Variants in EXPH5 observed in about 807,000 individuals in gnomAD.
EXPH5 encodes exophilin 5.
EXPH5 carries 42 observed loss-of-function variants against 41.1 expected under a neutral mutation model. The observed-to-expected ratio is 1.02, with a 90% CI of 0.80 to 1.32. EXPH5 has a LOEUF of 1.32. Ranked by LOEUF, EXPH5 falls within the 40% of genes most tolerant of loss-of-function variation. EXPH5 has a pLI of 0.00. For synonymous variants in EXPH5, 798 were observed against 833.5 expected (o/e 0.96, Z 0.73); for missense variants, 2,298 against 2,314.5 (o/e 0.99, Z 0.15).
At chr11:108,564,903 C>CTTTTT (rs34384478) in intron 1 of EXPH5, among the ~76,000 whole-genome samples, 4 of 118,424 alleles carry the variant, frequency 3.4e-5, no homozygotes, top group Non-Finnish European at 3.3e-5. Flanking sequence ...ATATGTGTAG[C>CTTTTT]TTTTTTTTTT....
chr11:108,527,066 T>C (rs1289362017), intron 4 of EXPH5, among the ~76,000 whole-genome samples: 1 of 152,186 alleles, frequency 6.6e-6, no homozygotes, highest in East Asian at 1.9e-4. Flanking sequence ...ACGCCTGTAA[T>C]CCCAGCACTT....
intron 1 of EXPH5, among the ~76,000 whole-genome samples, chr11:108,575,011 AC>A (rs1565831669): frequency 6.6e-6 from 1 of 152,156 alleles, no homozygotes; most frequent in African/African-American, 2.4e-5. Flanking sequence ...AGAAAAATGT[AC>A]CCCCGATTTG....
chr11:108,587,558 C>T (rs1005142637), intron 1 of EXPH5, among the ~76,000 whole-genome samples: 1 of 152,234 alleles, frequency 6.6e-6, no homozygotes, highest in Admixed American at 6.5e-5. Flanking sequence ...CCTGTGCACA[C>T]ATTAACATTG....
chr11:108,519,240 T>C (rs1246176124), intron 4 of EXPH5, among the ~76,000 whole-genome samples: 1 of 152,128 alleles, frequency 6.6e-6, no homozygotes. Context: ...TAAGGAAACC[T>C]TCCAACCAAA....
At position 108,549,043 on chromosome 11, in the gene EXPH5, T is replaced by A. The variant is rs558065753; in HGVS notation, c.120-7231A>T. 2.0e-5 allele frequency among the ~76,000 whole-genome samples: 3 copies of A among 152,332 alleles called. No homozygotes were observed. The East Asian group carries it at 5.8e-4, about 29-fold the overall frequency. Reference sequence around the variant, plus strand: ...TCTTCCATGTGGGCTTGTTATATGTTCAGCACCAACTGGGATGTACCATCC... The same window carrying A: ...TCTTCCATGTGGGCTTGTTATATGTACAGCACCAACTGGGATGTACCATCC... On this transcript the variant is annotated intron_variant, in intron 1 of 5. Transcript: ENST00000265843.
chr11:108,587,369 C>T (rs1231142315), intron 1 of EXPH5, among the ~76,000 whole-genome samples: 1 of 152,184 alleles, frequency 6.6e-6, no homozygotes, highest in Non-Finnish European at 1.5e-5. Flanking sequence ...GACTTTCTTT[C>T]GCCCTTCACC....
chr11:108,602,549 C>CTT, the EXPH5 span, among the ~76,000 whole-genome samples: 184 of 141,384 alleles, frequency 1.3e-3, 1 homozygote, highest in Non-Finnish European at 2.0e-3. Context: ...CTAAAACTGC[C>CTT]TTTTTTTTTT....
chr11:108,565,469 C>T lies in EXPH5; in HGVS notation c.120-23657G>A, dbSNP rs150259563. Among the ~76,000 whole-genome samples, 1,090 of 152,272 alleles carry T rather than the reference C, an allele frequency of 7.2e-3. 13 individuals carry two copies. The highest frequency in any genetic ancestry group is 0.022 in the African/African-American group (926 of 41,546). ...CCTAAGCTTCTTGGTTGTTTGCTTC[C>T]TATTGCTCTTGCCTTTCTTCAAGTT... is the stretch of plus-strand genomic sequence containing the variant. On this transcript the variant is annotated intron_variant, in intron 1 of 5. Coordinates refer to ENST00000265843, the MANE Select transcript of EXPH5 (RefSeq NM_015065.3).
At chr11:108,571,338 A>T (rs1367959712) in intron 1 of EXPH5, among the ~76,000 whole-genome samples, 1 of 152,142 alleles carries the variant, frequency 6.6e-6, no homozygotes, top group Non-Finnish European at 1.5e-5. Context: ...ATTTTGGTGG[A>T]GTGAGGAGGG....
chr11:108,566,662 G>A (rs2094035931), intron 1 of EXPH5, among the ~76,000 whole-genome samples: 1 of 151,876 alleles, frequency 6.6e-6, no homozygotes, highest in Admixed American at 6.6e-5. Context: ...AGAATGGCCT[G>A]GGCAACATGG....
At chr11:108,560,560 G>A (rs2094007203) in intron 1 of EXPH5, among the ~76,000 whole-genome samples, 1 of 152,202 alleles carries the variant, frequency 6.6e-6, no homozygotes, top group African/African-American at 2.4e-5. Context: ...GTTATCATTA[G>A]AATGATTATT....
At chr11:108,572,981 C>T (rs774680916) in intron 1 of EXPH5, among the ~76,000 whole-genome samples, 12 of 149,540 alleles carry the variant, frequency 8.0e-5, no homozygotes, top group Admixed American at 6.7e-5. Flanking sequence ...TCTGGGAGGA[C>T]GAGGCAGGAG....
At chr11:108,590,208 C>G (rs1216700270) in intron 1 of EXPH5, among the ~76,000 whole-genome samples, 1 of 152,126 alleles carries the variant, frequency 6.6e-6, no homozygotes, top group Non-Finnish European at 1.5e-5. Context: ...TCATTCCAAC[C>G]CTCACCAACA....
At chr11:108,523,814 G>T (rs947109007) in intron 4 of EXPH5, among the ~76,000 whole-genome samples, 5 of 152,196 alleles carry the variant, frequency 3.3e-5, no homozygotes, top group African/African-American at 1.2e-4. Context: ...AGATGTTGCA[G>T]CAAGCAAAGA....
At chr11:108,536,872 T>A (rs1280490727) in intron 3 of EXPH5, among the ~76,000 whole-genome samples, 2 of 152,192 alleles carry the variant, frequency 1.3e-5, no homozygotes, top group Non-Finnish European at 2.9e-5. Flanking sequence ...TTGCAAAAGA[T>A]CCTCTAAATT....
rs531907707 is a variant in EXPH5, at chr11:108,543,400, G to C, written c.120-1588C>G. 8.5e-5 allele frequency among the ~76,000 whole-genome samples: 13 copies of C among 152,320 alleles called. No homozygotes were observed. In the South Asian group the frequency reaches 2.7e-3, roughly 32 times the overall value. ...ATCCAGAGGGAGATGTTCCTGGATG[G>C]AGGCAAAATGAACAGAAAGTGGAGT... is the stretch of plus-strand genomic sequence containing the variant. On this transcript the variant is annotated intron_variant, in intron 1 of 5. Transcript: ENST00000265843.
At chr11:108,539,486 T>C (rs2093900604) in intron 2 of EXPH5, among the ~76,000 whole-genome samples, 9 of 152,218 alleles carry the variant, frequency 5.9e-5, no homozygotes, top group Admixed American at 5.9e-4. Flanking sequence ...GGGACCCCAT[T>C]CAATTCTCAT....
intron 4 of EXPH5, among the ~76,000 whole-genome samples, chr11:108,525,871 A>AT (rs767888153): frequency 1.2e-4 from 17 of 138,294 alleles, no homozygotes; most frequent in Admixed American, 9.2e-4. Context: ...TGCTTTCATT[A>AT]TTTTTTTCTT....
At position 108,511,597 on chromosome 11, in the gene EXPH5, C is replaced by G. The variant is rs773332205; in HGVS notation, c.3910G>C (p.Glu1304Gln). 3 of 1,613,578 alleles carry G rather than the reference C, an allele frequency of 1.9e-6. No homozygotes were observed. The highest frequency in any genetic ancestry group is 1.1e-5 in the South Asian group (1 of 90,866). Reference sequence around the variant, plus strand: ...TCACATGAAGGTGTTCCTGACTGCTCTCGTGTAGAATAATTCTGTTTGTCT... The same window carrying G: ...TCACATGAAGGTGTTCCTGACTGCTGTCGTGTAGAATAATTCTGTTTGTCT... ...EKDKQNYSTR[E>Q]QSGTPSCENL... is the part of the protein sequence containing the mutation. Residue 1304 changes from glutamate to glutamine, a missense_variant, in exon 6 of 6, where the codon GAG becomes CAG. Coordinates refer to ENST00000265843, the MANE Select transcript of EXPH5 (RefSeq NM_015065.3).
Sources: gnomAD v4.1 joint callset for allele counts (sites outside exome capture counted in the v4.1 genomes callset) on GRCh38, gnomAD v4.1.1 for gene constraint, MANE v1.5 for transcripts, NCBI Gene and HGNC (gene_info 2026-07-23, HGNC 2026-07-21) for gene names.